The following RELCH variants were observed in gnomAD, a reference collection of about 807,000 sequenced individuals.
RELCH encodes RAB11 binding and LisH domain, coiled-coil and HEAT repeat containing.
A neutral mutation model predicts 150.3 loss-of-function variants in RELCH; 41 were observed. The ratio of observed to expected loss-of-function variants is 0.27; its 90% confidence interval spans 0.21 to 0.35. The LOEUF is 0.35. Among genes scored for constraint, RELCH ranks in the 10% least tolerant of loss-of-function variants. The probability of loss-of-function intolerance (pLI) is 1.00; values close to 1 mark genes in which losing one functional copy is unlikely to be tolerated. For missense variants in RELCH, 1,092 were observed against 1,467.8 expected, an observed-to-expected ratio of 0.74 and a Z score of 4.18; for synonymous variants, 478 against 531.8, an observed-to-expected ratio of 0.90 and a Z score of 1.39.
Position 62,231,404 on chromosome 18 carries a change from C to T in RELCH, c.1524+135C>T, listed in dbSNP as rs145599786. ...CAAATCCATTATGTAAAATAATGCT[C>T]TAAGATATAGTTCCTAAAATTTTAA... is the stretch of plus-strand genomic sequence containing the variant. On this transcript the variant is annotated intron_variant, in intron 9 of 28. Transcript: ENST00000644646. 124 of 547,026 alleles carry T rather than the reference C, an allele frequency of 2.3e-4. No individual in the cohort carries two copies. In the East Asian group the frequency reaches 3.7e-3, roughly 16 times the overall value. The allele number at this position is 547,026 out of a possible 1,614,324, so 33.9% of individuals were successfully genotyped here. A position where few individuals can be genotyped will look rare whatever the true frequency, so the allele number is the denominator to read the frequency against.
chr18:62,284,581 A>C (rs1042399889), intron 25 of RELCH, among the ~76,000 whole-genome samples: 1 of 152,176 alleles, frequency 6.6e-6, no homozygotes, highest in African/African-American at 2.4e-5. Context: ...TGAGGAATTT[A>C]GTACTCTATA....
intron 17 of RELCH, 36 bp from the exon 18 acceptor site, chr18:62,264,693 T>C (rs771505758): frequency 6.7e-7 from 1 of 1,489,010 alleles, no homozygotes; most frequent in Non-Finnish European, 9.2e-7. Flanking sequence ...AATTTATATG[T>C]ATCCCCTGCC....
chr18:62,248,996 A>G lies in RELCH; in HGVS notation c.1734-3668A>G, dbSNP rs942110800. ...TGAACAAAGCATCCTGGATGGGTGG[A>G]TAGATGGATTAAGCACCAATTGGAT... is the stretch of plus-strand genomic sequence containing the variant. On this transcript the variant is annotated intron_variant, in intron 11 of 28. Coordinates refer to ENST00000644646, the MANE Select transcript of RELCH (RefSeq NM_001346231.2). Among the ~76,000 whole-genome samples, 3 of 152,346 alleles carry G rather than the reference A, an allele frequency of 2.0e-5. No individual in the cohort carries two copies. In the South Asian group the frequency reaches 6.2e-4, roughly 32 times the overall value.
intron 12 of RELCH, among the ~76,000 whole-genome samples, chr18:62,254,393 AGTTT>A (rs2042887758): frequency 6.6e-6 from 1 of 151,972 alleles, no homozygotes; most frequent in Non-Finnish European, 1.5e-5. Flanking sequence ...TTTTATTTTT[AGTTT>A]GTTCATTGCT....
chr18:62,280,303 C>A, intron 23 of RELCH: 2 of 1,422,194 alleles, frequency 1.4e-6, no homozygotes, highest in Non-Finnish European at 2.0e-6. Flanking sequence ...CACAGCTAAC[C>A]CAGTTCTTAT....
chr18:62,217,689 G>A (rs551731329), intron 2 of RELCH, among the ~76,000 whole-genome samples: 4 of 152,086 alleles, frequency 2.6e-5, no homozygotes, highest in South Asian at 4.1e-4. Context: ...AAATTTCGGA[G>A]TCTTCAGAGT....
In RELCH at chr18:62,224,492, C is replaced by G. The variant is rs1056223072; in HGVS notation, c.859-2797C>G. On this transcript the variant is annotated intron_variant, in intron 5 of 28. Transcript: ENST00000644646. ...AGGAAGAAATAACAGTCCTTATTCA[C>G]CAATGACATGATCATGTGTATAGAA... Among the ~76,000 whole-genome samples the G allele has an allele frequency of 4.6e-5, 7 of 152,022 alleles. No homozygotes were observed. In the East Asian group the frequency reaches 1.2e-3, roughly 25 times the overall value.
chr18:62,223,976 T>TTTA (rs2041044481), intron 5 of RELCH, among the ~76,000 whole-genome samples: 1 of 152,130 alleles, frequency 6.6e-6, no homozygotes, highest in Non-Finnish European at 1.5e-5. Context: ...TTTCTTTTTT[T>TTTA]TTATTATTAT....
chr18:62,204,672 A>T (rs2039671439), intron 1 of RELCH, among the ~76,000 whole-genome samples: 1 of 152,214 alleles, frequency 6.6e-6, no homozygotes. Flanking sequence ...AGGCAGACGT[A>T]CTGATAACCC....
intron 18 of RELCH, among the ~76,000 whole-genome samples, chr18:62,265,283 C>A (rs570999751): frequency 3.9e-5 from 6 of 152,108 alleles, no homozygotes; most frequent in African/African-American, 1.4e-4. Flanking sequence ...AAACTTGCTG[C>A]GAAGATGCCA....
At chr18:62,283,442 T>C (rs763371687) in intron 25 of RELCH, among the ~76,000 whole-genome samples, 13 of 152,302 alleles carry the variant, frequency 8.5e-5, no homozygotes, top group South Asian at 2.1e-4. Context: ...GGGCCACAAG[T>C]TGGGTCACTT....
At chr18:62,295,909 C>G (rs969004801) in intron 27 of RELCH, among the ~76,000 whole-genome samples, 1 of 152,110 alleles carries the variant, frequency 6.6e-6, no homozygotes, top group Admixed American at 6.6e-5. Context: ...TTAGCTGTAT[C>G]CCATGCATTT....
chr18:62,262,313 T>A (rs1326180546), intron 16 of RELCH, among the ~76,000 whole-genome samples: 1 of 152,096 alleles, frequency 6.6e-6, no homozygotes, highest in East Asian at 1.9e-4. Flanking sequence ...GACAAATGGC[T>A]ATAGACAAGC....
chr18:62,232,697 A>G (rs1215988533), intron 10 of RELCH, among the ~76,000 whole-genome samples: 2 of 152,028 alleles, frequency 1.3e-5, no homozygotes, highest in African/African-American at 2.4e-5. Context: ...AGGTCCATTT[A>G]TGTGCCATGA....
At chr18:62,267,512 G>GTGTGTGTT (rs1555743427) in intron 19 of RELCH, among the ~76,000 whole-genome samples, 1 of 135,762 alleles carries the variant, frequency 7.4e-6, no homozygotes, top group Non-Finnish European at 1.6e-5. Flanking sequence ...GTGTGTGTGT[G>GTGTGTGTT]TGTGTGTATA....
chr18:62,220,106 C>T (rs1318937306), intron 2 of RELCH, among the ~76,000 whole-genome samples: 3 of 151,982 alleles, frequency 2.0e-5, no homozygotes, highest in Non-Finnish European at 4.4e-5. Flanking sequence ...CCTCAATATT[C>T]ATATTTATGT....
chr18:62,300,564 G>A (rs2045619427), intron 28 of RELCH: 1 of 152,132 alleles, frequency 6.6e-6, no homozygotes, highest in South Asian at 2.1e-4. Flanking sequence ...TTTGTTGTGG[G>A]GAATACAAAG....
intron 11 of RELCH, among the ~76,000 whole-genome samples, chr18:62,250,553 G>A (rs2042649024): frequency 1.3e-5 from 2 of 152,114 alleles, no homozygotes; most frequent in African/African-American, 2.4e-5. Context: ...GAAGGAAATA[G>A]GAATGCAAAA....
intron 10 of RELCH, among the ~76,000 whole-genome samples, chr18:62,240,744 CA>C (rs1324460433): frequency 6.6e-6 from 1 of 152,078 alleles, no homozygotes; most frequent in Non-Finnish European, 1.5e-5. Context: ...TATTTCACTT[CA>C]ATACACATTA....
Sources: gnomAD v4.1 joint callset for allele counts (sites outside exome capture counted in the v4.1 genomes callset) on GRCh38, gnomAD v4.1.1 for gene constraint, MANE v1.5 for transcripts, NCBI Gene and HGNC (gene_info 2026-07-23, HGNC 2026-07-21) for gene names.